The following DLG2 variants were observed in gnomAD, a reference collection of about 807,000 sequenced individuals.
The protein encoded by DLG2 is disks large homolog 2.
A neutral mutation model predicts 132.5 loss-of-function variants in DLG2; 45 were observed. The observed-to-expected ratio is 0.34, with a 90% CI of 0.27 to 0.44. The LOEUF is 0.44. Ranked by LOEUF, DLG2 falls within the 20% of genes least tolerant of loss-of-function variation. The pLI is 1.00. For synonymous variants in DLG2, 424 were observed against 419.6 expected, an observed-to-expected ratio of 1.01 and a Z score of -0.13; for missense variants, 1,045 against 1,196.9, an observed-to-expected ratio of 0.87 and a Z score of 1.87.
In DLG2 at chr11:85,338,431, C is replaced by T. The variant is rs376733505; in HGVS notation, c.41-53066G>A. On this transcript the variant is annotated intron_variant, in intron 3 of 27. Transcript: ENST00000376104. ...TTAAATCAGTTCTTTTCTTTCCCAT[C>T]CACTGCAGTGTGGTTAGGTCATCCA... Among the ~76,000 whole-genome samples, 17 of 152,232 alleles carry T rather than the reference C, an allele frequency of 1.1e-4. No individual in the cohort carries two copies. In the East Asian group the frequency reaches 1.4e-3, roughly 12 times the overall value.
At chr11:84,786,069 C>A (rs1198675975) in intron 6 of DLG2, among the ~76,000 whole-genome samples, 1 of 152,034 alleles carries the variant, frequency 6.6e-6, no homozygotes, top group Non-Finnish European at 1.5e-5. Context: ...ACTTCTAGCT[C>A]TTTTAAGTGG....
At position 85,221,897 on chromosome 11, in the gene DLG2, T is replaced by G. The variant is rs1168711326; in HGVS notation, c.186+63323A>C. Among the ~76,000 whole-genome samples, 8 of 152,274 alleles carry G rather than the reference T, an allele frequency of 5.3e-5. No individual in the cohort carries two copies. The East Asian group carries it at 1.3e-3, about 26-fold the overall frequency. ...CCCAAAAACCCTGTGAAGTACATATTATATCCAAAATACCCAGAATACATT... is the reference window on the plus strand; with the variant it reads ...CCCAAAAACCCTGTGAAGTACATATGATATCCAAAATACCCAGAATACATT... On this transcript the variant is annotated intron_variant, in intron 4 of 27. Coordinates refer to ENST00000376104, the MANE Select transcript of DLG2 (RefSeq NM_001142699.3).
At chr11:84,383,600 G>A (rs1006131236) in intron 7 of DLG2, among the ~76,000 whole-genome samples, 2 of 152,094 alleles carry the variant, frequency 1.3e-5, no homozygotes, top group African/African-American at 4.8e-5. Context: ...CCTATGGAGA[G>A]GGCTGCATGG....
At chr11:84,849,517 G>C (rs1052487773) in intron 6 of DLG2, among the ~76,000 whole-genome samples, 2 of 150,294 alleles carry the variant, frequency 1.3e-5, no homozygotes, top group African/African-American at 4.9e-5. Flanking sequence ...TTTTTTCCTA[G>C]ACCCTAACAA....
intron 15 of DLG2, among the ~76,000 whole-genome samples, chr11:83,916,738 A>C (rs1418663601): frequency 6.6e-6 from 1 of 152,174 alleles, no homozygotes; most frequent in Non-Finnish European, 1.5e-5. Context: ...AAACACTGTT[A>C]ACCTGAGGTA....
At chr11:85,058,007 A>G (rs1456663100) in intron 6 of DLG2, among the ~76,000 whole-genome samples, 3 of 151,498 alleles carry the variant, frequency 2.0e-5, no homozygotes, top group Non-Finnish European at 4.4e-5. Context: ...TTCTTGTTTA[A>G]TATTAGAATG....
At chr11:84,228,873 G>A (rs1193267836) in intron 8 of DLG2, among the ~76,000 whole-genome samples, 1 of 152,166 alleles carries the variant, frequency 6.6e-6, no homozygotes, top group Non-Finnish European at 1.5e-5. Context: ...TAGCTTCAGT[G>A]TGCCTAAACT....
intron 3 of DLG2, among the ~76,000 whole-genome samples, chr11:85,526,512 C>A (rs1276689378): frequency 6.6e-6 from 1 of 151,990 alleles, no homozygotes; most frequent in Admixed American, 6.6e-5. Flanking sequence ...CAGAACCACA[C>A]AATAAGAAAT....
chr11:83,657,301 TGA>T (rs1049177810), intron 18 of DLG2, among the ~76,000 whole-genome samples: 7 of 152,016 alleles, frequency 4.6e-5, no homozygotes, highest in African/African-American at 1.7e-4. Context: ...AAATCACGAG[TGA>T]GGCCTTAACA....
chr11:84,247,568 T>C (rs2097318221), intron 8 of DLG2, among the ~76,000 whole-genome samples: 1 of 152,144 alleles, frequency 6.6e-6, no homozygotes, highest in African/African-American at 2.4e-5. Context: ...TTTAAGGTCA[T>C]ACCCAACCCT....
intron 21 of DLG2, among the ~76,000 whole-genome samples, chr11:83,486,955 T>C (rs994738458): frequency 2.7e-5 from 4 of 150,934 alleles, no homozygotes; most frequent in African/African-American, 9.7e-5. Context: ...GTAATACCAT[T>C]ATATAAGCTT....
chr11:83,983,957 C>T (rs2093021285), intron 11 of DLG2, among the ~76,000 whole-genome samples: 1 of 152,022 alleles, frequency 6.6e-6, no homozygotes, highest in Admixed American at 6.6e-5. Context: ...TATAAAAGTA[C>T]AGAGGTTATT....
intron 6 of DLG2, among the ~76,000 whole-genome samples, chr11:84,865,304 C>G (rs562793410): frequency 6.6e-6 from 1 of 152,252 alleles, no homozygotes; most frequent in Non-Finnish European, 1.5e-5. Flanking sequence ...CCTATAACTA[C>G]TGAAATGAAA....
intron 11 of DLG2, among the ~76,000 whole-genome samples, chr11:83,986,401 A>G (rs1267813197): frequency 3.3e-5 from 5 of 151,562 alleles, no homozygotes; most frequent in African/African-American, 9.7e-5. Context: ...ATCATTTTTT[A>G]TGGCTGCATA....
intron 6 of DLG2, among the ~76,000 whole-genome samples, chr11:84,776,273 T>C (rs908126233): frequency 2.0e-5 from 3 of 152,076 alleles, no homozygotes; most frequent in African/African-American, 4.8e-5. Context: ...TTCCACCTAA[T>C]CCTAAGTAGC....
At chr11:84,583,468 T>C (rs1325073454) in intron 6 of DLG2, among the ~76,000 whole-genome samples, 1 of 152,264 alleles carries the variant, frequency 6.6e-6, no homozygotes, top group Non-Finnish European at 1.5e-5. Flanking sequence ...CATTTTTGTT[T>C]TAAGGGTTAA....
At chr11:84,498,108 TGTA>T (rs1291187964) in intron 7 of DLG2, among the ~76,000 whole-genome samples, 1 of 152,196 alleles carries the variant, frequency 6.6e-6, no homozygotes, top group Non-Finnish European at 1.5e-5. Flanking sequence ...TATCTATCCA[TGTA>T]GTGTGTTTTC....
chr11:85,335,266 T>G (rs1017162297), intron 3 of DLG2, among the ~76,000 whole-genome samples: 1 of 152,160 alleles, frequency 6.6e-6, no homozygotes, highest in African/African-American at 2.4e-5. Context: ...TTCTGTTTGT[T>G]TAATAAATCT....
At chr11:85,386,967 T>C (rs2086394157) in intron 3 of DLG2, among the ~76,000 whole-genome samples, 1 of 151,478 alleles carries the variant, frequency 6.6e-6, no homozygotes, top group Non-Finnish European at 1.5e-5. Context: ...TGCTCTTGGC[T>C]CACTGCAACT....
Sources: gnomAD v4.1 joint callset for allele counts (sites outside exome capture counted in the v4.1 genomes callset) on GRCh38, gnomAD v4.1.1 for gene constraint, MANE v1.5 for transcripts, NCBI Gene and HGNC (gene_info 2026-07-23, HGNC 2026-07-21) for gene names.